PPP2R2D: variants seen among roughly 807,000 people sequenced by gnomAD.
PPP2R2D encodes the protein protein phosphatase 2 regulatory subunit Bdelta.
Under a neutral mutation model 31.1 loss-of-function variants are expected in PPP2R2D, and 9 were observed. The ratio of observed to expected loss-of-function variants is 0.29; its 90% CI spans 0.17 to 0.51. The LOEUF is 0.51. Ranked by LOEUF, PPP2R2D falls within the 20% of genes least tolerant of loss-of-function variation. The probability of loss-of-function intolerance (pLI) is 0.98; values close to 1 mark genes in which losing one functional copy is unlikely to be tolerated. For synonymous variants in PPP2R2D, 179 were observed against 172.6 expected (o/e 1.04, Z -0.29); for missense variants, 391 against 465.6 (o/e 0.84, Z 1.48).
chr10:131,955,837 C>T lies in PPP2R2D; in HGVS notation c.1236C>T (p.Asp412=), dbSNP rs879963829. 11 of 1,609,670 alleles carry T rather than the reference C, an allele frequency of 6.8e-6. No homozygotes were observed. The highest frequency in any genetic ancestry group is 1.7e-4 in the Middle Eastern group (1 of 6,048). The stretch of plus-strand genomic sequence containing the variant: ...GTACGGGGGGTAAGCGGAGGAAAGA[C>T]GAGATCAGTGTGGACAGTCTGGACT... The part of the protein sequence containing the change: ...KVCTGGKRRK[D]EISVDSLDFN... The change falls in exon 9 of 9, where the codon GAC becomes GAT. Residue 412 remains aspartate, a synonymous_variant. Coordinates refer to ENST00000455566, the MANE Select transcript of PPP2R2D (RefSeq NM_018461.5).
At chr10:131,937,592 C>A (rs2036366871) in intron 3 of PPP2R2D, among the ~76,000 whole-genome samples, 1 of 152,112 alleles carries the variant, frequency 6.6e-6, no homozygotes. Flanking sequence ...GAGTTGGAAC[C>A]CGTTCATGGC....
chr10:131,961,625 C>T (rs1433947421), downstream of PPP2R2D, among the ~76,000 whole-genome samples: 1 of 152,202 alleles, frequency 6.6e-6, no homozygotes, highest in African/African-American at 2.4e-5. Context: ...ACACCCAGGG[C>T]TCCTTGATCT....
chr10:131,909,503 G>C (rs1288995689), intron 2 of PPP2R2D, among the ~76,000 whole-genome samples: 2 of 152,204 alleles, frequency 1.3e-5, no homozygotes, highest in African/African-American at 4.8e-5. Flanking sequence ...AAGTATCTTA[G>C]ACTTTCAGGC....
rs556282962 is a variant in PPP2R2D at position 131,917,586 on chromosome 10, G to C, written c.100+16256G>C. 9.1e-5 allele frequency among the ~76,000 whole-genome samples: 11 copies of C among 121,226 alleles called. No individual in the cohort carries two copies. The East Asian group carries it at 1.0e-3, about 11-fold the overall frequency. The allele number at this position is 121,226 out of a possible 152,430, so 79.5% of individuals were successfully genotyped here. Reference sequence around the variant, plus strand: ...GGGACCTCAGGCGGGTGGAATGACAGTGTTTGTAGGGACCTCACGTGGGTG... The same window carrying C: ...GGGACCTCAGGCGGGTGGAATGACACTGTTTGTAGGGACCTCACGTGGGTG... On this transcript the variant is annotated intron_variant, in intron 2 of 8. Coordinates refer to ENST00000455566, the MANE Select transcript of PPP2R2D (RefSeq NM_018461.5).
chr10:131,943,167 C>T (rs1212851340), intron 5 of PPP2R2D, among the ~76,000 whole-genome samples: 12 of 152,110 alleles, frequency 7.9e-5, no homozygotes, highest in Admixed American at 4.6e-4. Context: ...CTATTCCTCA[C>T]GCCTGAGCTC....
chr10:131,960,601 A>G (rs2036909500), downstream of PPP2R2D, among the ~76,000 whole-genome samples: 7 of 151,962 alleles, frequency 4.6e-5, no homozygotes, highest in Non-Finnish European at 2.9e-5. Flanking sequence ...CCCAAAGCCC[A>G]GTGCCATGGG....
intron 2 of PPP2R2D, among the ~76,000 whole-genome samples, chr10:131,919,102 G>C (rs1206789496): frequency 1.7e-5 from 2 of 120,376 alleles, no homozygotes; most frequent in Non-Finnish European, 3.5e-5. Flanking sequence ...AGGGACGTCA[G>C]GCGGCTGGAA....
intron 3 of PPP2R2D, 48 bp downstream of exon 3, chr10:131,934,603 G>T (rs781873198): frequency 5.3e-6 from 4 of 760,370 alleles, no homozygotes; most frequent in East Asian, 2.4e-5. Context: ...TCAACCTTTC[G>T]CATATAACTT....
Position 131,956,476 on chromosome 10 carries a change from C to T in PPP2R2D, c.*513C>T. On this transcript the variant is annotated 3_prime_UTR_variant, in exon 9 of 9. Transcript: ENST00000455566. ...AGGCTCAGGCGGCCCCACTCACCCA[C>T]AGCATCCGCCGCCACCCCTTCGGGT... 1.0e-6 allele frequency: 1 copy of T among 985,632 alleles called. No homozygotes were observed. Among genetic ancestry groups the T allele is most frequent in the Non-Finnish European group, 1.2e-6 (1 of 830,074 alleles). 61.1% of individuals were successfully genotyped at this position (985,632 alleles called of 1,614,324 possible).
Position 131,940,154 on chromosome 10 carries a change from T to C in PPP2R2D, c.322T>C (p.Leu108=), listed in dbSNP as rs782723032. ...GGAAAAAATTAATAAAATTAGGTGGTTACCACAACAGAATGCTGCTCATTT... is the reference window on the plus strand; with the variant it reads ...GGAAAAAATTAATAAAATTAGGTGGCTACCACAACAGAATGCTGCTCATTT... The part of the protein sequence containing the change: ...IEEKINKIRW[L]PQQNAAHFLL... The change falls in exon 4 of 9, where the codon TTA becomes CTA. Residue 108 remains leucine, a synonymous_variant. Coordinates refer to ENST00000455566, the MANE Select transcript of PPP2R2D (RefSeq NM_018461.5). 1.5e-5 allele frequency: 12 copies of C among 774,936 alleles called. No individual in the cohort carries two copies. Among genetic ancestry groups the C allele is most frequent in the Admixed American group, 8.7e-5 (5 of 57,484 alleles). The allele number at this position is 774,936 out of a possible 1,614,324, so 48.0% of individuals were successfully genotyped here. A position where few individuals can be genotyped will look rare whatever the true frequency, so the allele number is the denominator to read the frequency against.
chr10:131,926,136 T>C (rs1314618862), intron 2 of PPP2R2D, among the ~76,000 whole-genome samples: 1 of 152,226 alleles, frequency 6.6e-6, no homozygotes, highest in African/African-American at 2.4e-5. Flanking sequence ...CCTGCCTCTA[T>C]CAGTAATTCG....
At chr10:131,913,090 T>G (rs1419221095) in intron 2 of PPP2R2D, among the ~76,000 whole-genome samples, 1 of 152,168 alleles carries the variant, frequency 6.6e-6, no homozygotes, top group African/African-American at 2.4e-5. Flanking sequence ...TGGCACTATC[T>G]CGGCTCACTG....
At chr10:131,938,356 T>C (rs1191709624) in intron 3 of PPP2R2D, among the ~76,000 whole-genome samples, 1 of 152,224 alleles carries the variant, frequency 6.6e-6, no homozygotes, top group Non-Finnish European at 1.5e-5. Flanking sequence ...GCGTCCTTGA[T>C]TTTGAATTAT....
intron 4 of PPP2R2D, among the ~76,000 whole-genome samples, 167 bp downstream of exon 4, chr10:131,940,363 C>CA (rs2036420550): frequency 6.6e-6 from 1 of 152,078 alleles, no homozygotes; most frequent in African/African-American, 2.4e-5. Context: ...AAGTATGCAA[C>CA]AAAAACCACA....
intron 2 of PPP2R2D, among the ~76,000 whole-genome samples, chr10:131,928,007 C>T (rs1031272132): frequency 1.3e-5 from 2 of 152,154 alleles, no homozygotes; most frequent in African/African-American, 2.4e-5. Flanking sequence ...GGATATTGTC[C>T]GATGGTTTTC....
chr10:131,966,163 G>T, the PPP2R2D span, among the ~76,000 whole-genome samples: 2 of 152,176 alleles, frequency 1.3e-5, no homozygotes, highest in Non-Finnish European at 2.9e-5. Flanking sequence ...TTGCAGCCAT[G>T]TGCATTCCTT....
Position 131,934,499 on chromosome 10 carries a change from C to A in PPP2R2D, c.142C>A (p.Leu48Ile). 1 of 780,546 alleles carries A rather than the reference C, an allele frequency of 1.3e-6. No individual in the cohort carries two copies. Among genetic ancestry groups the A allele is most frequent in the Non-Finnish European group, 2.4e-6 (1 of 417,928 alleles). 48.4% of individuals were successfully genotyped at this position (780,546 alleles called of 1,614,324 possible). ...STVEFNYSGD[L>I]LATGDKGGRV... ...CGTTGAGTTTAATTACTCTGGAGAT[C>A]TTCTTGCAACAGGAGACAAGGGCGG... The change falls in exon 3 of 9, where the codon CTT (leucine) becomes ATT (isoleucine). Residue 48 changes from leucine to isoleucine, a missense_variant. Leu to Ile is a conservative substitution (Grantham distance 5). This residue lies in a region of PPP2R2D where 105 missense variants were observed against 98.5 expected (regional missense o/e 1.07). Transcript: ENST00000455566.
chr10:131,908,104 A>G (rs1158730737), intron 2 of PPP2R2D, among the ~76,000 whole-genome samples: 4 of 152,206 alleles, frequency 2.6e-5, no homozygotes, highest in African/African-American at 4.8e-5. Flanking sequence ...ATTCTCTTGT[A>G]TTTTAAAGTA....
chr10:131,922,996 T>TA (rs1554894443), intron 2 of PPP2R2D, among the ~76,000 whole-genome samples: 1 of 152,224 alleles, frequency 6.6e-6, no homozygotes, highest in African/African-American at 2.4e-5. Flanking sequence ...TAGTTTTACT[T>TA]ACAACAGCTT....
Sources: allele counts gnomAD v4.1 joint callset (sites outside exome capture counted in the v4.1 genomes callset), GRCh38; gene constraint gnomAD v4.1.1; regional missense constraint gnomAD v4.1.1; transcripts MANE v1.5; gene names NCBI Gene and HGNC (gene_info 2026-07-23, HGNC 2026-07-21).